Variants in GSTCD observed in about 807,000 individuals in gnomAD.
GSTCD encodes the protein glutathione S-transferase C-terminal domain-containing protein.
Under a neutral mutation model 68.3 loss-of-function variants are expected in GSTCD, and 44 were observed. That is an observed-to-expected ratio of 0.64 (90% CI 0.51 to 0.83). The LOEUF is 0.83. Among genes scored for constraint, GSTCD ranks in the 40% least tolerant of loss-of-function variants. The probability of loss-of-function intolerance (pLI) is 0.00; values close to 1 mark genes in which losing one functional copy is unlikely to be tolerated. For missense variants in GSTCD, 739 were observed against 735.9 expected (o/e 1.00, Z -0.05); for synonymous variants, 273 against 255.2 (o/e 1.07, Z -0.67).
intron 5 of GSTCD, among the ~76,000 whole-genome samples, chr4:105,797,045 CATGT>C (rs1321711492): frequency 6.8e-4 from 96 of 140,432 alleles, no homozygotes; most frequent in African/African-American, 2.3e-3. Flanking sequence ...GACAGAGATA[CATGT>C]GTGTGTGTGT....
At chr4:105,718,773 G>A (rs1369658031) in intron 2 of GSTCD, among the ~76,000 whole-genome samples, 4 of 152,126 alleles carry the variant, frequency 2.6e-5, no homozygotes, top group Non-Finnish European at 4.4e-5. Context: ...TGCTTTGGAA[G>A]CCCTGCTTAT....
chr4:105,810,435 T>A (rs993661169), intron 5 of GSTCD, among the ~76,000 whole-genome samples: 2 of 152,128 alleles, frequency 1.3e-5, no homozygotes, highest in South Asian at 4.1e-4. Flanking sequence ...CATGCTACCA[T>A]GTCTGTGTCT....
At chr4:105,736,808 C>G (rs1733478152) in intron 5 of GSTCD, among the ~76,000 whole-genome samples, 1 of 152,154 alleles carries the variant, frequency 6.6e-6, no homozygotes, top group Non-Finnish European at 1.5e-5. Context: ...TTTTTACCTT[C>G]CATTTGGAAG....
At chr4:105,841,833 G>A (rs570816732) in intron 10 of GSTCD, among the ~76,000 whole-genome samples, 19 of 152,022 alleles carry the variant, frequency 1.2e-4, no homozygotes, top group Admixed American at 2.6e-4. Flanking sequence ...CCTGGGCGAC[G>A]GCGAGACTGT....
chr4:105,837,786 A>G, intron 9 of GSTCD, 73 bp from the exon 10 acceptor site: 1 of 647,706 alleles, frequency 1.5e-6, no homozygotes, highest in Non-Finnish European at 2.7e-6. Flanking sequence ...ATTTTTATAT[A>G]ATTTAGTTTC....
chr4:105,751,437 T>G (rs892086950), intron 5 of GSTCD, among the ~76,000 whole-genome samples: 1 of 152,164 alleles, frequency 6.6e-6, no homozygotes. Context: ...TCTGAATATA[T>G]TTTCTTTGTA....
At chr4:105,733,472 G>T (rs1456616501) in intron 5 of GSTCD, among the ~76,000 whole-genome samples, 3 of 152,198 alleles carry the variant, frequency 2.0e-5, no homozygotes, top group South Asian at 2.1e-4. Flanking sequence ...GATCTTTGTT[G>T]GTTTAAAGTC....
At chr4:105,709,914 A>G (rs566460273) in intron 1 of GSTCD, among the ~76,000 whole-genome samples, 1 of 152,350 alleles carries the variant, frequency 6.6e-6, no homozygotes, top group South Asian at 2.1e-4. Flanking sequence ...AAACTGTTAT[A>G]ACACAACTAA....
chr4:105,713,591 T>C (rs1732600958), intron 1 of GSTCD, among the ~76,000 whole-genome samples: 1 of 152,288 alleles, frequency 6.6e-6, no homozygotes, highest in South Asian at 2.1e-4. Flanking sequence ...CTCATCTCTA[T>C]AATGGAAATA....
chr4:105,759,890 A>G (rs938530613), intron 5 of GSTCD, among the ~76,000 whole-genome samples: 1 of 152,188 alleles, frequency 6.6e-6, no homozygotes, highest in African/African-American at 2.4e-5. Flanking sequence ...GTGAAATACA[A>G]TACAGTACCT....
chr4:105,782,094 T>C (rs1417057918), intron 5 of GSTCD, among the ~76,000 whole-genome samples: 1 of 152,196 alleles, frequency 6.6e-6, no homozygotes, highest in African/African-American at 2.4e-5. Flanking sequence ...AAACTCTGAA[T>C]GCCACTGGCA....
intron 5 of GSTCD, among the ~76,000 whole-genome samples, chr4:105,807,604 C>T (rs1379470123): frequency 6.6e-6 from 1 of 151,996 alleles, no homozygotes; most frequent in African/African-American, 2.4e-5. Flanking sequence ...TCTATTTCCT[C>T]TATTAGATGA....
chr4:105,755,676 A>G (rs969287033), intron 5 of GSTCD, among the ~76,000 whole-genome samples: 1 of 152,158 alleles, frequency 6.6e-6, no homozygotes, highest in South Asian at 2.1e-4. Flanking sequence ...ACATGTACCC[A>G]TGTCACATGG....
At chr4:105,772,651 G>GATTTGCATCATATATTTATTGCAT (rs1734899402) in intron 5 of GSTCD, among the ~76,000 whole-genome samples, 1 of 152,106 alleles carries the variant, frequency 6.6e-6, no homozygotes, top group Non-Finnish European at 1.5e-5. Flanking sequence ...TTATATGATG[G>GATTTGCATCATATATTTATTGCAT]ATTACATTTA....
chr4:105,787,431 C>T (rs2149253129), intron 5 of GSTCD, among the ~76,000 whole-genome samples: 1 of 152,128 alleles, frequency 6.6e-6, no homozygotes, highest in East Asian at 1.9e-4. Flanking sequence ...GGCCCCACCT[C>T]TAGAAATTAT....
At chr4:105,759,206 G>A (rs72671892) in intron 5 of GSTCD, among the ~76,000 whole-genome samples, 8,184 of 152,164 alleles carry the variant, frequency 0.054, 252 homozygotes, top group Middle Eastern at 0.14. Context: ...TGAGCTCTAT[G>A]AGTCAGCTAG....
chr4:105,787,562 G>A (rs191259690), intron 5 of GSTCD, among the ~76,000 whole-genome samples: 1 of 152,126 alleles, frequency 6.6e-6, no homozygotes, highest in East Asian at 1.9e-4. Flanking sequence ...CTTAGAGAGT[G>A]GAGTTATGAA....
intron 5 of GSTCD, among the ~76,000 whole-genome samples, chr4:105,739,205 G>A (rs932958173): frequency 3.3e-5 from 5 of 152,180 alleles, no homozygotes; most frequent in Non-Finnish European, 4.4e-5. Flanking sequence ...ATGGTAATGA[G>A]TGTTGTAATG....
At chr4:105,759,575 C>A (rs1734323334) in intron 5 of GSTCD, among the ~76,000 whole-genome samples, 1 of 151,986 alleles carries the variant, frequency 6.6e-6, no homozygotes, top group Non-Finnish European at 1.5e-5. Flanking sequence ...AACTTTTATG[C>A]CTAGCTGAGT....
Sources: gnomAD v4.1 joint callset for allele counts (sites outside exome capture counted in the v4.1 genomes callset) on GRCh38, gnomAD v4.1.1 for gene constraint, MANE v1.5 for transcripts, NCBI Gene and HGNC (gene_info 2026-07-23, HGNC 2026-07-21) for gene names.